The following NRSN1 variants were observed in gnomAD, a reference collection of about 807,000 sequenced individuals.
The protein encoded by NRSN1 is neurensin 1, also known as neurensin-1.
Under a neutral mutation model 17.3 loss-of-function variants are expected in NRSN1, and 14 were observed. The ratio of observed to expected loss-of-function variants is 0.81; its 90% confidence interval spans 0.54 to 1.27. The LOEUF (loss-of-function observed/expected upper bound fraction) is 1.27, where lower values mean the gene tolerates loss of function less well. Among genes scored for constraint, NRSN1 ranks in the 50% most tolerant of loss-of-function variants. NRSN1 has a pLI of 0.00. For synonymous variants in NRSN1, 79 were observed against 94.2 expected, an observed-to-expected ratio of 0.84 and a Z score of 0.93; for missense variants, 209 against 235.9, an observed-to-expected ratio of 0.89 and a Z score of 0.75.
At chr6:24,139,467 A>G (rs1760167736) in intron 3 of NRSN1, among the ~76,000 whole-genome samples, 1 of 152,222 alleles carries the variant, frequency 6.6e-6, no homozygotes, top group Non-Finnish European at 1.5e-5. Flanking sequence ...TTTAATATCC[A>G]CCACTATGAC....
At chr6:24,141,035 C>T in intron 3 of NRSN1, 2 of 1,473,412 alleles carry the variant, frequency 1.4e-6, no homozygotes, top group Non-Finnish European at 1.8e-6. Flanking sequence ...TGGAGAGGCC[C>T]TTCTCTGTCG....
Position 24,145,687 on chromosome 6 carries a change from G to A in NRSN1, c.329G>A (p.Ser110Asn). ...VVDTHAVQFN[S>N]ALDMYKLAGA... ...GACACACATGCTGTCCAGTTTAACA[G>A]TGCTCTGGACATGTACAAGCTGGCA... The change falls in exon 4 of 4, where the codon AGT becomes AAT. Residue 110 changes from serine to asparagine, a missense_variant. Ser to Asn is a conservative substitution (Grantham distance 46). Transcript: ENST00000378491. This position sits in a 1 kb window ranked among gnomAD's most constrained non-coding sequence, Gnocchi z 4.4. The A allele has an allele frequency of 6.2e-7, 1 of 1,614,198 alleles. No homozygotes were observed. The highest frequency in any genetic ancestry group is 8.5e-7 in the Non-Finnish European group (1 of 1,180,034).
chr6:24,147,223 A>C lies in NRSN1; in HGVS notation c.*1277A>C, dbSNP rs889271508. The C allele has an allele frequency of 2.6e-5, 4 of 152,204 alleles. No homozygotes were observed. The highest frequency in any genetic ancestry group is 2.9e-5 in the Non-Finnish European group (2 of 68,042). The allele number at this position is 152,204 out of a possible 1,614,324, so 9.4% of individuals were successfully genotyped here. A position where few individuals can be genotyped will look rare whatever the true frequency, so the allele number is the denominator to read the frequency against. The stretch of plus-strand genomic sequence containing the variant: ...ACCTTAAAAAGGGTTTTCATTCTCA[A>C]ACAAGATGCTTTGTTCTCCAACAAG... On this transcript the variant is annotated 3_prime_UTR_variant, in exon 4 of 4. Coordinates refer to ENST00000378491, the MANE Select transcript of NRSN1 (RefSeq NM_080723.5).
At chr6:24,140,564 A>G (rs546794439) in intron 3 of NRSN1, among the ~76,000 whole-genome samples, 1 of 152,348 alleles carries the variant, frequency 6.6e-6, no homozygotes, top group African/African-American at 2.4e-5. Flanking sequence ...GGGCTGATGC[A>G]GAAGAAAAAG....
Position 24,146,687 on chromosome 6 carries a change from T to A in NRSN1, c.*741T>A, listed in dbSNP as rs965757498. The A allele has an allele frequency of 5.9e-5, 9 of 153,812 alleles. No individual in the cohort carries two copies. Among genetic ancestry groups the A allele is most frequent in the Non-Finnish European group, 8.7e-5 (6 of 69,224 alleles). 9.5% of individuals were successfully genotyped at this position (153,812 alleles called of 1,614,324 possible). A position where few individuals can be genotyped will look rare whatever the true frequency, so the allele number is the denominator to read the frequency against. On this transcript the variant is annotated 3_prime_UTR_variant, in exon 4 of 4. Transcript: ENST00000378491. ...CACCACCCCCAGTTAATATTTTTTT[T>A]AATTTTTTTTAGAGGCAGGATCTTG... is the stretch of plus-strand genomic sequence containing the variant.
intron 3 of NRSN1, chr6:24,141,403 C>A: frequency 2.7e-6 from 1 of 373,186 alleles, no homozygotes; most frequent in Non-Finnish European, 4.3e-6. Flanking sequence ...GAGACTCCTT[C>A]GTACCTATCA....
intron 2 of NRSN1, chr6:24,129,674 C>T (rs1049590124): frequency 6.6e-6 from 1 of 152,122 alleles, no homozygotes. Context: ...ATTTTTTTCC[C>T]TCCTCATGTC....
At chr6:24,139,637 C>G (rs1202598196) in intron 3 of NRSN1, among the ~76,000 whole-genome samples, 1 of 152,160 alleles carries the variant, frequency 6.6e-6, no homozygotes, top group African/African-American at 2.4e-5. Flanking sequence ...TGGTCTAGAG[C>G]TCAAAACAGA....
intron 2 of NRSN1, 137 bp downstream of exon 2, chr6:24,128,337 C>A (rs970241883): frequency 6.6e-6 from 1 of 152,138 alleles, no homozygotes; most frequent in Admixed American, 6.5e-5. Flanking sequence ...AAAAATGAAT[C>A]TTGAAGAATT....
At chr6:24,139,824 G>T (rs1760174474) in intron 3 of NRSN1, among the ~76,000 whole-genome samples, 1 of 152,230 alleles carries the variant, frequency 6.6e-6, no homozygotes, top group South Asian at 2.1e-4. Context: ...TCAGGAGCCT[G>T]AGGAGGGAGG....
chr6:24,140,183 A>G (rs1175005455), intron 3 of NRSN1, among the ~76,000 whole-genome samples: 6 of 152,204 alleles, frequency 3.9e-5, no homozygotes, highest in African/African-American at 1.4e-4. Flanking sequence ...TCGGAGAAGC[A>G]GGTTTAAGGA....
At chr6:24,132,110 A>T (rs1206719845) in intron 2 of NRSN1, among the ~76,000 whole-genome samples, 1 of 152,216 alleles carries the variant, frequency 6.6e-6, no homozygotes, top group Non-Finnish European at 1.5e-5. Context: ...GTTATTGGTC[A>T]TCATTAATAG....
At chr6:24,136,062 A>AC (rs1442675776) in intron 3 of NRSN1, among the ~76,000 whole-genome samples, 3 of 152,174 alleles carry the variant, frequency 2.0e-5, no homozygotes, top group Non-Finnish European at 4.4e-5. Flanking sequence ...ATGAGCTCAA[A>AC]CCCCAGCTCT....
At chr6:24,129,629 C>A (rs1307309693) in intron 2 of NRSN1, 2 of 152,110 alleles carry the variant, frequency 1.3e-5, no homozygotes, top group African/African-American at 2.4e-5. Context: ...TTATAGAAAG[C>A]CTCTCAGAAG....
rs567641300 is a variant in NRSN1, at chr6:24,145,430, G to T, written c.190-118G>T. The T allele has an allele frequency of 4.3e-6, 3 of 690,360 alleles. No individual in the cohort carries two copies. The Admixed American group carries it at 8.8e-5, about 20-fold the overall frequency. The allele number at this position is 690,360 out of a possible 1,614,324, so 42.8% of individuals were successfully genotyped here. ...AAGTAAGTGTTTCCTGCAAATTTGG[G>T]GTAACTGGGAATATTCATTTCTCTC... On this transcript the variant is annotated intron_variant, in intron 3 of 3. Transcript: ENST00000378491. This position sits in a 1 kb window ranked among gnomAD's most constrained non-coding sequence, Gnocchi z 4.4.
chr6:24,146,365 CTATGTG>C lies in NRSN1; in HGVS notation c.*422_*427del. On this transcript the variant is annotated 3_prime_UTR_variant, in exon 4 of 4. Transcript: ENST00000378491. The stretch of plus-strand genomic sequence containing the variant: ...GGTGCTGTCTTCCATTCCTGTCTCA[CTATGTG>C]TAAGATTTTGTCATATGTGTTCATA... The C allele has an allele frequency of 2.2e-6, 1 of 453,550 alleles. No individual in the cohort carries two copies. The allele number at this position is 453,550 out of a possible 1,614,324, so 28.1% of individuals were successfully genotyped here. A position where few individuals can be genotyped will look rare whatever the true frequency, so the allele number is the denominator to read the frequency against.
chr6:24,145,629 G>A lies in NRSN1; in HGVS notation c.271G>A (p.Glu91Lys), dbSNP rs199771455. 6.2e-6 allele frequency: 10 copies of A among 1,613,864 alleles called. No homozygotes were observed. Among genetic ancestry groups the A allele is most frequent in the East Asian group, 2.2e-5 (1 of 44,864 alleles). ...GGGCTTTCTTGTGCCCCCCAAAATC[G>A]AAGCATTTGGCGAAGCCGATTTTGT... ...AVGFLVPPKI[E>K]AFGEADFVVV... Residue 91 changes from glutamate to lysine, a missense_variant, in exon 4 of 4, where the codon GAA becomes AAA. Coordinates refer to ENST00000378491, the MANE Select transcript of NRSN1 (RefSeq NM_080723.5). This position sits in a 1 kb window ranked among gnomAD's most constrained non-coding sequence, Gnocchi z 4.4.
At chr6:24,134,852 A>G (rs1760092896) in intron 3 of NRSN1, among the ~76,000 whole-genome samples, 1 of 152,268 alleles carries the variant, frequency 6.6e-6, no homozygotes, top group East Asian at 1.9e-4. Context: ...CCTTCCTTAC[A>G]GGCGTGGTAA....
intron 1 of NRSN1, among the ~76,000 whole-genome samples, chr6:24,126,710 T>A (rs1023438026): frequency 2.0e-5 from 3 of 150,888 alleles, no homozygotes; most frequent in Non-Finnish European, 3.0e-5. Context: ...AATATATGTA[T>A]CTAGAGTTTG....
Sources: allele counts gnomAD v4.1 joint callset (sites outside exome capture counted in the v4.1 genomes callset), GRCh38; gene constraint gnomAD v4.1.1; non-coding constraint Gnocchi (gnomAD v3.1); transcripts MANE v1.5; gene names NCBI Gene and HGNC (gene_info 2026-07-23, HGNC 2026-07-21).